Variants in CA10 observed in about 807,000 individuals in gnomAD.
The protein encoded by CA10 is carbonic anhydrase-related protein 10.
CA10 carries 14 observed loss-of-function variants against 44.2 expected under a neutral mutation model. The ratio of observed to expected loss-of-function variants is 0.32; its 90% confidence interval spans 0.21 to 0.50. The LOEUF (loss-of-function observed/expected upper bound fraction) is 0.50, where lower values mean the gene tolerates loss of function less well. CA10 is among the 20% of genes least tolerant of loss of function. The pLI, the probability that CA10 is intolerant of heterozygous loss-of-function variation, is 0.99. For synonymous variants in CA10, 159 were observed against 141.6 expected, an observed-to-expected ratio of 1.12 and a Z score of -0.87; for missense variants, 350 against 409.7, an observed-to-expected ratio of 0.85 and a Z score of 1.26.
chr17:52,145,614 A>T (rs545341421), intron 1 of CA10, among the ~76,000 whole-genome samples: 58 of 152,348 alleles, frequency 3.8e-4, no homozygotes, highest in African/African-American at 1.4e-3. Context: ...GTATTTGTTT[A>T]TCTTAACCAC....
intron 3 of CA10, among the ~76,000 whole-genome samples, chr17:51,912,830 T>C (rs1410081028): frequency 6.6e-6 from 1 of 152,232 alleles, no homozygotes; most frequent in Non-Finnish European, 1.5e-5. Flanking sequence ...TATTTTATCT[T>C]TTGAAAAGCC....
intron 1 of CA10, among the ~76,000 whole-genome samples, chr17:52,156,397 C>A (rs1989804483): frequency 6.6e-6 from 1 of 152,158 alleles, no homozygotes; most frequent in Non-Finnish European, 1.5e-5. Context: ...CTGCCAGGTA[C>A]ACAACACATC....
chr17:52,042,134 C>T lies in CA10; in HGVS notation c.136+30185G>A, dbSNP rs531785227. Among the ~76,000 whole-genome samples the T allele has an allele frequency of 1.2e-3, 186 of 152,074 alleles. 4 individuals carry two copies. In the South Asian group the frequency reaches 0.022, roughly 18 times the overall value. On this transcript the variant is annotated intron_variant, in intron 2 of 8. Transcript: ENST00000451037. ...CCAGAAGTGAGACAGCAGGATCATA[C>T]AGTAGTTCAATTTTAAAGTTTTTTG...
At chr17:51,892,926 T>G (rs1055289796) in intron 3 of CA10, among the ~76,000 whole-genome samples, 2 of 152,174 alleles carry the variant, frequency 1.3e-5, no homozygotes, top group African/African-American at 4.8e-5. Context: ...TCTCATTATG[T>G]GTCAAAAATA....
At chr17:52,001,608 G>A (rs545406995) in intron 2 of CA10, among the ~76,000 whole-genome samples, 4 of 151,636 alleles carry the variant, frequency 2.6e-5, no homozygotes, top group Admixed American at 6.6e-5. Context: ...GTCATGCCAC[G>A]TAATCTCTTA....
At chr17:51,926,618 A>G (rs1451447978) in intron 3 of CA10, among the ~76,000 whole-genome samples, 1 of 152,188 alleles carries the variant, frequency 6.6e-6, no homozygotes, top group East Asian at 1.9e-4. Flanking sequence ...TGCGCTTTGC[A>G]GCTTCCAGAG....
At chr17:51,691,839 T>C (rs920788241) in intron 4 of CA10, among the ~76,000 whole-genome samples, 21 of 150,866 alleles carry the variant, frequency 1.4e-4, no homozygotes, top group African/African-American at 5.2e-4. Flanking sequence ...CTTTCCCCAG[T>C]GTGTGTTCTT....
At chr17:52,121,908 C>G (rs531756542) in intron 1 of CA10, among the ~76,000 whole-genome samples, 1 of 152,168 alleles carries the variant, frequency 6.6e-6, no homozygotes, top group Non-Finnish European at 1.5e-5. Context: ...CCTACTCACT[C>G]GTCCCCAACC....
intron 1 of CA10, among the ~76,000 whole-genome samples, chr17:52,126,609 A>C (rs1249531548): frequency 1.3e-5 from 2 of 152,182 alleles, no homozygotes. Context: ...ATAAATTTTA[A>C]ATGGGCATTT....
At chr17:51,995,770 T>C (rs900248978) in intron 2 of CA10, among the ~76,000 whole-genome samples, 1 of 152,082 alleles carries the variant, frequency 6.6e-6, no homozygotes, top group Non-Finnish European at 1.5e-5. Flanking sequence ...CCTGTGTTAT[T>C]CTTGCTTTCA....
intron 6 of CA10, among the ~76,000 whole-genome samples, chr17:51,639,406 T>G (rs1912981814): frequency 6.6e-6 from 1 of 152,086 alleles, no homozygotes; most frequent in Non-Finnish European, 1.5e-5. Context: ...GTAACCAGCC[T>G]TTGTGCTGCA....
At chr17:51,773,462 C>T (rs1013535639) in intron 3 of CA10, among the ~76,000 whole-genome samples, 2 of 152,332 alleles carry the variant, frequency 1.3e-5, no homozygotes, top group Admixed American at 6.5e-5. Context: ...AGTAGGAAGA[C>T]ACCCTCAGAG....
intron 6 of CA10, among the ~76,000 whole-genome samples, chr17:51,647,483 C>T (rs4793713): frequency 0.14 from 21,251 of 152,120 alleles, 1,885 homozygotes; most frequent in Admixed American, 0.19. Flanking sequence ...CCCTTCCTCT[C>T]CCTCCCCTCT....
chr17:52,115,895 C>T (rs1469136884), intron 1 of CA10, among the ~76,000 whole-genome samples: 1 of 152,190 alleles, frequency 6.6e-6, no homozygotes, highest in East Asian at 1.9e-4. Flanking sequence ...AGATCGAGAC[C>T]ATCCTGGCCA....
intron 3 of CA10, among the ~76,000 whole-genome samples, chr17:51,828,143 T>C (rs1200269808): frequency 6.6e-6 from 1 of 152,216 alleles, no homozygotes; most frequent in Non-Finnish European, 1.5e-5. Flanking sequence ...TGTTACTGTG[T>C]CTGGTGTTGT....
rs115513302 is a variant in CA10 at position 51,820,844 on chromosome 17, T to A, written c.280-73026A>T. Among the ~76,000 whole-genome samples the A allele has an allele frequency of 3.7e-3, 562 of 152,214 alleles. 9 individuals are homozygous for A. Among genetic ancestry groups the A allele is most frequent in the African/African-American group, 0.013 (521 of 41,464 alleles). ...ATCTAACTTGTACATCAGTTATTAT[T>A]CTTACCACAAACTGGATGCAGAAGT... On this transcript the variant is annotated intron_variant, in intron 3 of 8. Transcript: ENST00000451037.
rs533783735 is a variant in CA10 at position 52,074,074 on chromosome 17, C to T, written c.62-1681G>A. 1.5e-4 allele frequency among the ~76,000 whole-genome samples: 23 copies of T among 152,298 alleles called. No homozygotes were observed. The East Asian group carries it at 4.3e-3, about 28-fold the overall frequency. On this transcript the variant is annotated intron_variant, in intron 1 of 8. Transcript: ENST00000451037. The stretch of plus-strand genomic sequence containing the variant: ...GTATTGCCTGACTCACCCTCCTTCT[C>T]CCCCAATTCGTTAGACAGTCATCAT...
chr17:52,015,422 A>C (rs1372859233), intron 2 of CA10, among the ~76,000 whole-genome samples: 1 of 152,128 alleles, frequency 6.6e-6, no homozygotes, highest in Non-Finnish European at 1.5e-5. Flanking sequence ...TACAATTTAT[A>C]AAATGTGAGT....
chr17:52,029,046 T>A (rs1374391735), intron 2 of CA10, among the ~76,000 whole-genome samples: 2 of 152,190 alleles, frequency 1.3e-5, no homozygotes, highest in Non-Finnish European at 2.9e-5. Context: ...CCTTTGAGGG[T>A]GCTATCATAG....
Sources: gnomAD v4.1 joint callset for allele counts (sites outside exome capture counted in the v4.1 genomes callset) on GRCh38, gnomAD v4.1.1 for gene constraint, MANE v1.5 for transcripts, NCBI Gene and HGNC (gene_info 2026-07-23, HGNC 2026-07-21) for gene names.